Variants in RXRA observed in about 807,000 individuals in gnomAD.
RXRA encodes the protein retinoic acid receptor RXR-alpha.
Under a neutral mutation model 44.5 loss-of-function variants are expected in RXRA, and 5 were observed. The observed-to-expected ratio is 0.11, with a 90% CI of 0.06 to 0.24. RXRA has a LOEUF of 0.24. RXRA is among the 10% of genes least tolerant of loss of function. The pLI is 1.00. For missense variants in RXRA, 412 were observed against 646.5 expected (o/e 0.64, Z 3.93); for synonymous variants, 291 against 271.4 (o/e 1.07, Z -0.71).
Position 134,439,382 on chromosome 9 carries a change from G to GA in RXRA, c.*2769dup, listed in dbSNP as rs1432375067. 6.6e-6 allele frequency: 1 copy of GA among 152,220 alleles called. No homozygotes were observed. Among genetic ancestry groups the GA allele is most frequent in the Non-Finnish European group, 1.5e-5 (1 of 68,054 alleles). The allele number at this position is 152,220 out of a possible 1,614,324, so 9.4% of individuals were successfully genotyped here. A position where few individuals can be genotyped will look rare whatever the true frequency, so the allele number is the denominator to read the frequency against. ...GGGGCTCCTGAGGCTCAGGAGTGAA[G>GA]ATGCCACAGAGCCGGGCTCCCCTAG... On this transcript the variant is annotated 3_prime_UTR_variant, in exon 10 of 10. Coordinates refer to ENST00000481739, the MANE Select transcript of RXRA (RefSeq NM_002957.6).
intron 1 of RXRA, among the ~76,000 whole-genome samples, chr9:134,377,484 C>T (rs1170871044): frequency 2.0e-5 from 3 of 152,148 alleles, no homozygotes; most frequent in East Asian, 1.9e-4. Flanking sequence ...CATCACCGCT[C>T]GGGAAGGCAT....
At position 134,434,216 on chromosome 9, in the gene RXRA, C is replaced by T. The variant is rs746123251; in HGVS notation, c.1241+9C>T. 4.1e-5 allele frequency: 66 copies of T among 1,599,638 alleles called. No homozygotes were observed. Among genetic ancestry groups the T allele is most frequent in the South Asian group, 5.5e-5 (5 of 90,740 alleles). Reference sequence around the variant, plus strand: ...CCAGAGCAGCCGGGAAGGTGGGTCCCGCCCCGTCCCACACACACCCCAGAC... The same window carrying T: ...CCAGAGCAGCCGGGAAGGTGGGTCCTGCCCCGTCCCACACACACCCCAGAC... On this transcript the variant is annotated intron_variant, in intron 9 of 9. Transcript: ENST00000481739.
chr9:134,400,080 C>T (rs1830935649), intron 1 of RXRA, among the ~76,000 whole-genome samples: 1 of 152,250 alleles, frequency 6.6e-6, no homozygotes, highest in Non-Finnish European at 1.5e-5. Flanking sequence ...AAGAAGAGTG[C>T]TGGCTTTGGA....
chr9:134,422,620 C>G, intron 6 of RXRA: 1 of 917,730 alleles, frequency 1.1e-6, no homozygotes, highest in Non-Finnish European at 1.3e-6. Flanking sequence ...GCTCCCCACT[C>G]CCGGGACACT....
At chr9:134,390,292 G>A (rs1156476107) in intron 1 of RXRA, among the ~76,000 whole-genome samples, 1 of 152,188 alleles carries the variant, frequency 6.6e-6, no homozygotes, top group Non-Finnish European at 1.5e-5. Context: ...GCTAAAGCCA[G>A]CTCAGCACAC....
chr9:134,335,082 G>A (rs1829976569), intron 1 of RXRA, among the ~76,000 whole-genome samples: 1 of 152,152 alleles, frequency 6.6e-6, no homozygotes, highest in Admixed American at 6.5e-5. Context: ...ACCTTCCATG[G>A]CACCCCATTG....
chr9:134,408,908 G>T, intron 3 of RXRA, 32 bp from the exon 4 acceptor site: 1 of 1,439,798 alleles, frequency 6.9e-7, no homozygotes, highest in South Asian at 1.5e-5. Flanking sequence ...GGCGGTGGGT[G>T]CTCCCCAGCC....
intron 1 of RXRA, among the ~76,000 whole-genome samples, chr9:134,344,382 G>A (rs1830123495): frequency 6.6e-6 from 1 of 152,240 alleles, no homozygotes; most frequent in South Asian, 2.1e-4. Flanking sequence ...GCCGCCGGAA[G>A]GGGCTGAGAT....
intron 1 of RXRA, among the ~76,000 whole-genome samples, chr9:134,348,853 T>A (rs1830187060): frequency 6.6e-6 from 1 of 152,154 alleles, no homozygotes; most frequent in South Asian, 2.1e-4. Flanking sequence ...GTCCCTGAGG[T>A]AGAGCTGAAT....
rs564952014 is a variant in RXRA, at chr9:134,408,304, C to T, written c.430+5C>T. On this transcript the variant is annotated splice_donor_5th_base_variant and intron_variant, in intron 3 of 9. Transcript: ENST00000481739. ...TCTGCGGGGACCGCTCCTCAGGTAC[C>T]GCTGCTGTGGGGGCCAGGGGCTGGT... is the stretch of plus-strand genomic sequence containing the variant. The T allele has an allele frequency of 3.3e-5, 53 of 1,597,812 alleles. No individual in the cohort carries two copies. Among genetic ancestry groups the T allele is most frequent in the South Asian group, 6.7e-5 (6 of 89,042 alleles).
intron 1 of RXRA, among the ~76,000 whole-genome samples, chr9:134,333,026 CT>C (rs1835030258): frequency 6.6e-6 from 1 of 152,122 alleles, no homozygotes; most frequent in African/African-American, 2.4e-5. Flanking sequence ...CCGGCCCCCC[CT>C]GCACTCCCCA....
intron 9 of RXRA, among the ~76,000 whole-genome samples, chr9:134,435,757 A>G (rs886803090): frequency 6.6e-6 from 1 of 151,728 alleles, no homozygotes; most frequent in Non-Finnish European, 1.5e-5. Flanking sequence ...GCGACTCACC[A>G]GTGTGCTCAG....
At chr9:134,338,816 T>C (rs1336305195) in intron 1 of RXRA, among the ~76,000 whole-genome samples, 1 of 152,194 alleles carries the variant, frequency 6.6e-6, no homozygotes, top group South Asian at 2.1e-4. Flanking sequence ...CAGGCCTCTG[T>C]TGGGACTTGG....
At chr9:134,395,434 G>A (rs910755774) in intron 1 of RXRA, among the ~76,000 whole-genome samples, 4 of 152,260 alleles carry the variant, frequency 2.6e-5, no homozygotes, top group Admixed American at 6.5e-5. Flanking sequence ...GGGTAGGGCA[G>A]GGCTAGGGAG....
chr9:134,376,438 A>G (rs1830558500), intron 1 of RXRA, among the ~76,000 whole-genome samples: 1 of 152,082 alleles, frequency 6.6e-6, no homozygotes, highest in Admixed American at 6.5e-5. Flanking sequence ...TGGCCCAACC[A>G]CAGCCCCCAC....
chr9:134,427,577 G>A (rs1831455769), intron 6 of RXRA, among the ~76,000 whole-genome samples: 1 of 152,222 alleles, frequency 6.6e-6, no homozygotes, highest in African/African-American at 2.4e-5. Context: ...GCACACCTGG[G>A]CGGGGCGGCC....
At chr9:134,331,772 G>GTT (rs869227321) in intron 1 of RXRA, among the ~76,000 whole-genome samples, 1 of 60,696 alleles carries the variant, frequency 1.6e-5, no homozygotes, top group African/African-American at 1.4e-4. Context: ...CCGCTGTGGG[G>GTT]CCTGCTTTTT....
chr9:134,382,151 G>A (rs867560292), intron 1 of RXRA, among the ~76,000 whole-genome samples: 8 of 152,138 alleles, frequency 5.3e-5, no homozygotes, highest in African/African-American at 1.9e-4. Flanking sequence ...AGTGGGCTGA[G>A]CCAAGGTGTA....
rs1831086432 is a variant in RXRA, at chr9:134,408,132, G to C, written c.280-17G>C. 1 of 1,525,064 alleles carries C rather than the reference G, an allele frequency of 6.6e-7. No individual in the cohort carries two copies. The highest frequency in any genetic ancestry group is 2.3e-5 in the East Asian group (1 of 42,654). The allele number at this position is 1,525,064 out of a possible 1,614,324, so 94.5% of individuals were successfully genotyped here. ...CCTGGTGTACACCCCGCTGACTGCT[G>C]TGGTTGCCCCCCCCAGCTCAGCTCA... On this transcript the variant is annotated splice_polypyrimidine_tract_variant and intron_variant, in intron 2 of 9. Transcript: ENST00000481739.
Sources: allele counts gnomAD v4.1 joint callset (sites outside exome capture counted in the v4.1 genomes callset), GRCh38; gene constraint gnomAD v4.1.1; transcripts MANE v1.5; gene names NCBI Gene and HGNC (gene_info 2026-07-23, HGNC 2026-07-21).